The following IL1RAPL2 variants were observed in gnomAD, a reference collection of about 807,000 sequenced individuals.
The protein encoded by IL1RAPL2 is interleukin 1 receptor accessory protein like 2.
Under a neutral mutation model 44.1 loss-of-function variants are expected in IL1RAPL2, and 3 were observed. The observed-to-expected ratio is 0.07, with a 90% CI of 0.03 to 0.18. IL1RAPL2 has a LOEUF of 0.18. IL1RAPL2 is among the 10% of genes least tolerant of loss of function. IL1RAPL2 has a pLI of 1.00. For synonymous variants in IL1RAPL2, 181 were observed against 178.8 expected, an observed-to-expected ratio of 1.01 and a Z score of -0.10; for missense variants, 391 against 496.4, an observed-to-expected ratio of 0.79 and a Z score of 2.02.
chrX:105,666,814 G>A lies in IL1RAPL2; in HGVS notation c.773-50553G>A, dbSNP rs1941616719. On this transcript the variant is annotated intron_variant, in intron 6 of 10. Transcript: ENST00000372582. ...CATTTATAGGCTCTCCACAAGGGTC[G>A]CATTCCATTCCCAGAGCTATGAACA... Among the ~76,000 whole-genome samples the A allele has an allele frequency of 3.6e-5, 4 of 111,290 alleles. No individual in the cohort carries two copies. In the South Asian group the frequency reaches 1.5e-3, roughly 43 times the overall value.
At chrX:104,884,298 G>A (rs537423746) in intron 2 of IL1RAPL2, among the ~76,000 whole-genome samples, 3 of 111,779 alleles carry the variant, frequency 2.7e-5, no homozygotes, top group Non-Finnish European at 5.6e-5. Context: ...CTGCTGCTGC[G>A]TTGATGAGTG....
intron 5 of IL1RAPL2, among the ~76,000 whole-genome samples, chrX:105,346,837 G>A (rs1433378629): frequency 3.6e-5 from 4 of 111,961 alleles, no homozygotes; most frequent in African/African-American, 1.3e-4. Context: ...TAATAATTTA[G>A]CATTGAGAAA....
intron 2 of IL1RAPL2, among the ~76,000 whole-genome samples, chrX:105,039,186 G>T (rs981811883): frequency 6.3e-5 from 7 of 111,748 alleles, no homozygotes; most frequent in African/African-American, 2.3e-4. Flanking sequence ...AGAAAATATT[G>T]ATTTAGCTTA....
intron 2 of IL1RAPL2, among the ~76,000 whole-genome samples, chrX:105,102,524 A>C: frequency 8.9e-6 from 1 of 112,184 alleles, no homozygotes; most frequent in East Asian, 2.8e-4. Context: ...GTATGTGTGT[A>C]TATACATATG....
At chrX:105,192,356 T>A (rs1304967507) in intron 2 of IL1RAPL2, among the ~76,000 whole-genome samples, 3 of 111,684 alleles carry the variant, frequency 2.7e-5, no homozygotes, top group Non-Finnish European at 3.8e-5. Flanking sequence ...TCTTCCCTCT[T>A]AACGTCAGTG....
chrX:104,850,941 G>C (rs1922208435), intron 2 of IL1RAPL2, among the ~76,000 whole-genome samples: 1 of 111,220 alleles, frequency 9.0e-6, no homozygotes, highest in Admixed American at 9.6e-5. Context: ...ATGTGTATGA[G>C]AATAGACTAT....
At chrX:105,312,306 G>A (rs780474996) in intron 5 of IL1RAPL2, among the ~76,000 whole-genome samples, 6 of 111,953 alleles carry the variant, frequency 5.4e-5, no homozygotes, top group Non-Finnish European at 1.1e-4. Context: ...TATTGGAAGT[G>A]TACATCATCT....
intron 6 of IL1RAPL2, among the ~76,000 whole-genome samples, chrX:105,487,527 T>C (rs1293302434): frequency 8.9e-6 from 1 of 112,272 alleles, no homozygotes; most frequent in Admixed American, 9.5e-5. Flanking sequence ...TGCTTATTTT[T>C]CATCCCAGAA....
chrX:105,132,842 T>A (rs2033040962), intron 2 of IL1RAPL2, among the ~76,000 whole-genome samples: 1 of 111,696 alleles, frequency 9.0e-6, no homozygotes, highest in African/African-American at 3.2e-5. Flanking sequence ...AATTTGAAGT[T>A]TCTTGGTTTC....
At chrX:104,755,834 CTTGAT>C (rs1228234217) in intron 2 of IL1RAPL2, among the ~76,000 whole-genome samples, 1 of 111,234 alleles carries the variant, frequency 9.0e-6, no homozygotes, top group African/African-American at 3.3e-5. Context: ...GCAGGTAGAA[CTTGAT>C]TTAAGTAAAT....
At chrX:104,857,798 C>G (rs975294) in intron 2 of IL1RAPL2, among the ~76,000 whole-genome samples, 36,853 of 109,520 alleles carry the variant, frequency 0.34, 5,424 homozygotes, top group East Asian at 0.46. Flanking sequence ...TCAGCGCTGC[C>G]ATATGGAATG....
intron 2 of IL1RAPL2, among the ~76,000 whole-genome samples, chrX:104,788,734 G>T (rs1932811314): frequency 8.9e-6 from 1 of 111,757 alleles, no homozygotes; most frequent in South Asian, 3.7e-4. Flanking sequence ...AATCTTAATA[G>T]GGCTTACTTA....
chrX:105,586,021 G>A, intron 6 of IL1RAPL2, among the ~76,000 whole-genome samples: 2 of 112,009 alleles, frequency 1.8e-5, no homozygotes, highest in Non-Finnish European at 3.8e-5. Flanking sequence ...AAACTAAAGA[G>A]CTTCTGCACA....
At chrX:105,593,608 T>C (rs1425724263) in intron 6 of IL1RAPL2, among the ~76,000 whole-genome samples, 2 of 111,521 alleles carry the variant, frequency 1.8e-5, no homozygotes, top group Non-Finnish European at 3.8e-5. Context: ...TTCGCTTTTA[T>C]ATTCTTTGAT....
At chrX:105,514,456 G>T (rs1235297465) in intron 6 of IL1RAPL2, among the ~76,000 whole-genome samples, 2 of 112,184 alleles carry the variant, frequency 1.8e-5, no homozygotes, top group African/African-American at 6.5e-5. Context: ...TTAGGGCATG[G>T]CTAAAAACAA....
chrX:105,384,076 A>G (rs1043110392), intron 5 of IL1RAPL2, among the ~76,000 whole-genome samples: 7 of 110,574 alleles, frequency 6.3e-5, no homozygotes, highest in Non-Finnish European at 1.3e-4. Flanking sequence ...TACATTGTCA[A>G]TTGTTTCTTT....
chrX:104,582,576 CTT>C (rs1384067847), intron 1 of IL1RAPL2, among the ~76,000 whole-genome samples: 15 of 54,498 alleles, frequency 2.8e-4, no homozygotes, highest in African/African-American at 7.3e-4. Flanking sequence ...CTCTTTCTTT[CTT>C]TTTCTTTCTT....
At chrX:105,576,564 G>T (rs1304197455) in intron 6 of IL1RAPL2, among the ~76,000 whole-genome samples, 3 of 111,134 alleles carry the variant, frequency 2.7e-5, no homozygotes, top group South Asian at 3.8e-4. Flanking sequence ...CACCTTGTGG[G>T]TATTCAGAAC....
rs1930040168 is a variant in IL1RAPL2, at chrX:104,646,337, A to T, written c.-19-12558A>T. Among the ~76,000 whole-genome samples the T allele has an allele frequency of 4.5e-5, 5 of 110,134 alleles. No homozygotes were observed. The Admixed American group carries it at 4.9e-4, about 11-fold the overall frequency. ...GTCAATGGTGCTGGGGATGCAAAAA[A>T]AAAAAAAAAGCATAGCCTCTGCCCT... On this transcript the variant is annotated intron_variant, in intron 1 of 10. Transcript: ENST00000372582.
Sources: gnomAD v4.1 joint callset for allele counts (sites outside exome capture counted in the v4.1 genomes callset) on GRCh38, gnomAD v4.1.1 for gene constraint, MANE v1.5 for transcripts, NCBI Gene and HGNC (gene_info 2026-07-23, HGNC 2026-07-21) for gene names.